Variants in PAICS observed in about 807,000 individuals in gnomAD.
PAICS encodes phosphoribosylaminoimidazole carboxylase and phosphoribosylaminoimidazolesuccinocarboxamide synthase.
In PAICS, 33 loss-of-function variants were observed where a neutral mutation model predicts 53.7. The observed-to-expected ratio is 0.61, with a 90% CI of 0.47 to 0.82. The LOEUF (loss-of-function observed/expected upper bound fraction) is 0.82. Ranked by LOEUF, PAICS falls within the 40% of genes least tolerant of loss-of-function variation. The probability of loss-of-function intolerance (pLI) is 0.00; values close to 1 mark genes in which losing one functional copy is unlikely to be tolerated. For missense variants in PAICS, 394 were observed against 494.1 expected, an observed-to-expected ratio of 0.80 and a Z score of 1.92; for synonymous variants, 141 against 167.2, an observed-to-expected ratio of 0.84 and a Z score of 1.21.
the PAICS span, among the ~76,000 whole-genome samples, chr4:56,417,262 C>G: frequency 6.6e-6 from 1 of 151,614 alleles, no homozygotes; most frequent in South Asian, 2.1e-4. Context: ...CATTACAAAG[C>G]AAAGACATTA....
chr4:56,452,636 A>G (rs1383248601), intron 7 of PAICS, among the ~76,000 whole-genome samples: 1 of 152,196 alleles, frequency 6.6e-6, no homozygotes, highest in Non-Finnish European at 1.5e-5. Context: ...AAGCCCCTGG[A>G]GCATTGCTTC....
chr4:56,456,413 TTTTG>T (rs1560665319), intron 8 of PAICS, among the ~76,000 whole-genome samples: 1 of 152,022 alleles, frequency 6.6e-6, no homozygotes, highest in Non-Finnish European at 1.5e-5. Context: ...TACAGGTGTT[TTTTG>T]TTTGTTTTGA....
upstream of PAICS, chr4:56,435,974 G>C (rs1259869809): frequency 3.9e-6 from 6 of 1,522,256 alleles, no homozygotes; most frequent in Non-Finnish European, 4.4e-6. Context: ...GAAGGGGCCG[G>C]GGTATGCGAG....
intron 8 of PAICS, among the ~76,000 whole-genome samples, chr4:56,455,739 G>A (rs1255035372): frequency 1.3e-5 from 2 of 152,110 alleles, no homozygotes; most frequent in Admixed American, 6.5e-5. Context: ...CCACAGTTGA[G>A]GACTCCATTG....
intron 8 of PAICS, among the ~76,000 whole-genome samples, chr4:56,456,898 G>A (rs192648456): frequency 4.7e-4 from 72 of 152,038 alleles, no homozygotes; most frequent in Admixed American, 9.2e-4. Context: ...GGCTGTTTGC[G>A]CTTTTAAGAG....
chr4:56,446,546 C>T (rs1254362880), intron 2 of PAICS, 149 bp from the exon 3 acceptor site: 2 of 624,840 alleles, frequency 3.2e-6, no homozygotes, highest in South Asian at 2.0e-5. Flanking sequence ...AACAACTGAC[C>T]GCATCTACAT....
At chr4:56,426,787 A>AT in the PAICS span, among the ~76,000 whole-genome samples, 1 of 152,202 alleles carries the variant, frequency 6.6e-6, no homozygotes, top group Non-Finnish European at 1.5e-5. Flanking sequence ...AATATTTACC[A>AT]TTATACCCAT....
the PAICS span, among the ~76,000 whole-genome samples, chr4:56,426,392 A>T: frequency 1.3e-5 from 2 of 150,538 alleles, no homozygotes; most frequent in Non-Finnish European, 3.0e-5. Context: ...ACTGAGCAAG[A>T]CTCTGTCTCA....
chr4:56,432,799 A>G (rs1215442117), upstream of PAICS, among the ~76,000 whole-genome samples: 2 of 147,486 alleles, frequency 1.4e-5, no homozygotes, highest in Admixed American at 6.9e-5. Context: ...AAAAAAAAAA[A>G]AAAATCAAGA....
rs2110105455 is a variant in PAICS, at chr4:56,462,676, C to T, written c.*3138C>T. ...ATCCATTTGGCAGACTGAAGAACAA[C>T]AGTATGAATGGAATTCATTCACCAT... On this transcript the variant is annotated 3_prime_UTR_variant, in exon 9 of 9. Transcript: ENST00000512576. 1 of 152,272 alleles carries T rather than the reference C, an allele frequency of 6.6e-6. No individual in the cohort carries two copies. Among genetic ancestry groups the T allele is most frequent in the East Asian group, 1.9e-4 (1 of 5,176 alleles). The allele number at this position is 152,272 out of a possible 1,614,324, so 9.4% of individuals were successfully genotyped here.
chr4:56,429,543 T>C, the PAICS span, among the ~76,000 whole-genome samples: 1 of 152,242 alleles, frequency 6.6e-6, no homozygotes, highest in African/African-American at 2.4e-5. Context: ...ATAAGACTAA[T>C]AAGAAAACCT....
rs1039210911 is a variant in PAICS, at chr4:56,437,318, T to G, written c.16+990T>G. 3.3e-5 allele frequency among the ~76,000 whole-genome samples: 5 copies of G among 150,508 alleles called. No individual in the cohort carries two copies. The East Asian group carries it at 9.8e-4, about 29-fold the overall frequency. Reference sequence around the variant, plus strand: ...GTGTGTTCGTTCCAGTAGTCTTTGATGCCACGATGGCTTTGAAGAACTCCA... The same window carrying G: ...GTGTGTTCGTTCCAGTAGTCTTTGAGGCCACGATGGCTTTGAAGAACTCCA... On this transcript the variant is annotated intron_variant, in intron 1 of 8. Transcript: ENST00000512576.
At position 56,454,380 on chromosome 4, in the gene PAICS, T is replaced by TAG. The variant is rs1196853068; in HGVS notation, c.1111+619_1111+620insAG. ...TGCAGACTCTAGTTGGCCATATTGT[T>TAG]TAATCTACCATTCTGCAAACTCAGG... On this transcript the variant is annotated intron_variant, in intron 8 of 8. Coordinates refer to ENST00000512576, the MANE Select transcript of PAICS (RefSeq NM_001079524.2). Among the ~76,000 whole-genome samples the TAG allele has an allele frequency of 2.0e-5, 3 of 152,196 alleles. No individual in the cohort carries two copies. In the East Asian group the frequency reaches 5.8e-4, roughly 29 times the overall value.
intron 5 of PAICS, among the ~76,000 whole-genome samples, chr4:56,449,985 AAAAG>A (rs938596360): frequency 7.9e-5 from 12 of 151,956 alleles, no homozygotes; most frequent in Admixed American, 2.6e-4. Flanking sequence ...CAAAAAAAAA[AAAAG>A]AAAGAAAAAG....
At chr4:56,457,662 G>GTTTTTTTTTTTTTTTTTTTTTTTT (rs756911104) in intron 8 of PAICS, among the ~76,000 whole-genome samples, 1 of 127,934 alleles carries the variant, frequency 7.8e-6, no homozygotes. Context: ...TTAGAATTAA[G>GTTTTTTTTTTTTTTTTTTTTTTTT]TTTTTTTTTT....
At position 56,461,407 on chromosome 4, in the gene PAICS, G is replaced by T. The variant is rs1719509963; in HGVS notation, c.*1869G>T. 6.6e-6 allele frequency: 1 copy of T among 152,142 alleles called. No individual in the cohort carries two copies. The highest frequency in any genetic ancestry group is 2.1e-4 in the South Asian group (1 of 4,834). The allele number at this position is 152,142 out of a possible 1,614,324, so 9.4% of individuals were successfully genotyped here. On this transcript the variant is annotated 3_prime_UTR_variant, in exon 9 of 9. Coordinates refer to ENST00000512576, the MANE Select transcript of PAICS (RefSeq NM_001079524.2). Reference sequence around the variant, plus strand: ...AAGTCACTGACTGCTATTTCAGCTTGTTTACCCTTACCTAGCATTAAGACT... The same window carrying T: ...AAGTCACTGACTGCTATTTCAGCTTTTTTACCCTTACCTAGCATTAAGACT...
the PAICS span, among the ~76,000 whole-genome samples, chr4:56,411,817 G>T: frequency 6.6e-6 from 1 of 152,154 alleles, no homozygotes; most frequent in Non-Finnish European, 1.5e-5. Flanking sequence ...TACCAAATGT[G>T]AATGGGGTTA....
intron 1 of PAICS, among the ~76,000 whole-genome samples, chr4:56,436,938 A>G (rs1331696682): frequency 3.3e-5 from 5 of 152,236 alleles, no homozygotes; most frequent in African/African-American, 9.6e-5. Context: ...CGGAGGTTGC[A>G]GTGAGCCGAG....
upstream of PAICS, chr4:56,431,457 A>AG: frequency 1.0e-6 from 1 of 976,968 alleles, no homozygotes; most frequent in Non-Finnish European, 1.2e-6. Context: ...AGTGCTCCTG[A>AG]GATCATTACA....
Sources: gnomAD v4.1 joint callset for allele counts (sites outside exome capture counted in the v4.1 genomes callset) on GRCh38, gnomAD v4.1.1 for gene constraint, MANE v1.5 for transcripts, NCBI Gene and HGNC (gene_info 2026-07-23, HGNC 2026-07-21) for gene names.